The following NAALADL2 variants were observed in gnomAD, a reference collection of about 807,000 sequenced individuals.
The protein encoded by NAALADL2 is inactive N-acetylated-alpha-linked acidic dipeptidase-like protein 2.
NAALADL2 carries 76 observed loss-of-function variants against 87.2 expected under a neutral mutation model. That is an observed-to-expected ratio of 0.87 (90% confidence interval 0.72 to 1.05). The LOEUF (loss-of-function observed/expected upper bound fraction) is 1.05, where lower values mean the gene tolerates loss of function less well. Ranked by LOEUF, NAALADL2 falls within the 50% of genes least tolerant of loss-of-function variation. The probability of loss-of-function intolerance (pLI) is 0.00; values close to 1 mark genes in which losing one functional copy is unlikely to be tolerated. For missense variants in NAALADL2, 1,089 were observed against 945.8 expected, an observed-to-expected ratio of 1.15 and a Z score of -1.99; for synonymous variants, 354 against 331.0, an observed-to-expected ratio of 1.07 and a Z score of -0.75.
At chr3:175,193,879 T>C (rs1580866579) in intron 2 of NAALADL2, among the ~76,000 whole-genome samples, 4 of 151,708 alleles carry the variant, frequency 2.6e-5, no homozygotes, top group African/African-American at 9.7e-5. Flanking sequence ...TGTGAAAACA[T>C]TAGTTGCTAT....
intron 9 of NAALADL2, among the ~76,000 whole-genome samples, chr3:175,552,932 GTTA>G (rs1481128292): frequency 6.6e-6 from 1 of 151,888 alleles, no homozygotes. Flanking sequence ...TGACAAATAG[GTTA>G]TTTTTATATA....
chr3:174,772,737 G>A (rs1035460019), intron 3 of NAALADL2, among the ~76,000 whole-genome samples: 4 of 152,132 alleles, frequency 2.6e-5, no homozygotes, highest in African/African-American at 4.8e-5. Context: ...AAATGATATA[G>A]TAGGTGAAAG....
intron 2 of NAALADL2, among the ~76,000 whole-genome samples, chr3:175,212,354 T>C (rs180895064): frequency 6.6e-6 from 1 of 152,144 alleles, no homozygotes; most frequent in Admixed American, 6.6e-5. Context: ...AAATGAGTTA[T>C]ATCCCATTAA....
chr3:175,319,586 G>T (rs983878725), intron 4 of NAALADL2, among the ~76,000 whole-genome samples: 49 of 152,124 alleles, frequency 3.2e-4, no homozygotes, highest in African/African-American at 1.1e-3. Context: ...TCGGGAGGCC[G>T]AGTCGGCAAT....
At chr3:174,802,918 T>C (rs556268002) in intron 3 of NAALADL2, among the ~76,000 whole-genome samples, 18 of 152,314 alleles carry the variant, frequency 1.2e-4, no homozygotes, top group Middle Eastern at 3.4e-3. Context: ...GTCTTTGCTC[T>C]TGTGAATAGT....
rs1750163839 is a variant in NAALADL2 at position 175,257,377 on chromosome 3, T to C, written c.939+847T>C. ...TAGAGAACATCCTATGTCTGTTTTT[T>C]TTTTATTATCTTCCAATAATACTCT... On this transcript the variant is annotated intron_variant, in intron 4 of 13. Transcript: ENST00000454872. Among the ~76,000 whole-genome samples the C allele has an allele frequency of 2.6e-5, 4 of 151,420 alleles. No homozygotes were observed. The South Asian group carries it at 8.3e-4, about 32-fold the overall frequency.
chr3:174,732,507 T>C (rs1050965279), intron 2 of NAALADL2, among the ~76,000 whole-genome samples: 2 of 152,102 alleles, frequency 1.3e-5, no homozygotes, highest in Non-Finnish European at 2.9e-5. Context: ...TATTGTGATA[T>C]TCTATATATT....
At chr3:175,115,709 A>G (rs1359126711) in intron 2 of NAALADL2, among the ~76,000 whole-genome samples, 1 of 151,658 alleles carries the variant, frequency 6.6e-6, no homozygotes, top group African/African-American at 2.4e-5. Context: ...CTTGGATAGG[A>G]TATTTCCTTA....
At chr3:174,830,538 A>T (rs1450947343) in intron 3 of NAALADL2, among the ~76,000 whole-genome samples, 1 of 150,976 alleles carries the variant, frequency 6.6e-6, no homozygotes, top group Non-Finnish European at 1.5e-5. Flanking sequence ...GTTTGAAGTC[A>T]GGTAGTGTGA....
chr3:175,268,265 T>G (rs62285944), intron 4 of NAALADL2, among the ~76,000 whole-genome samples: 31,052 of 152,116 alleles, frequency 0.2, 3,230 homozygotes, highest in African/African-American at 0.25. Context: ...GCAATTATAA[T>G]GTAGTAGTAA....
intron 5 of NAALADL2, among the ~76,000 whole-genome samples, chr3:175,442,029 C>T (rs932664820): frequency 2.0e-5 from 3 of 152,092 alleles, no homozygotes; most frequent in African/African-American, 7.2e-5. Flanking sequence ...GCAACTTCCG[C>T]CTCCCAGATT....
At chr3:175,116,042 T>C (rs923306919) in intron 2 of NAALADL2, among the ~76,000 whole-genome samples, 19 of 151,814 alleles carry the variant, frequency 1.3e-4, no homozygotes, top group Non-Finnish European at 8.8e-5. Flanking sequence ...ACAGCCTTCA[T>C]GCAAAAAACT....
At chr3:174,816,362 G>T (rs2109313366) in intron 3 of NAALADL2, among the ~76,000 whole-genome samples, 1 of 150,522 alleles carries the variant, frequency 6.6e-6, no homozygotes, top group East Asian at 2.0e-4. Context: ...GCTGTCTTGG[G>T]AGCCCTGGAA....
chr3:175,140,538 T>C (rs191189119), intron 2 of NAALADL2, among the ~76,000 whole-genome samples: 1 of 152,094 alleles, frequency 6.6e-6, no homozygotes, highest in Non-Finnish European at 1.5e-5. Context: ...AAAACAATAA[T>C]TTGGGATTAA....
At chr3:175,034,007 G>T (rs1448388152) in intron 1 of NAALADL2, among the ~76,000 whole-genome samples, 2 of 152,128 alleles carry the variant, frequency 1.3e-5, no homozygotes, top group Non-Finnish European at 2.9e-5. Context: ...TCTTCTTGTA[G>T]TCTTCTCCGT....
chr3:174,939,419 A>G (rs1738231541), intron 1 of NAALADL2, among the ~76,000 whole-genome samples: 1 of 152,056 alleles, frequency 6.6e-6, no homozygotes, highest in Admixed American at 6.6e-5. Context: ...GCCCTGAAGT[A>G]TAGTTTGAAG....
At chr3:174,718,039 G>A (rs550151740) in intron 2 of NAALADL2, among the ~76,000 whole-genome samples, 73 of 152,278 alleles carry the variant, frequency 4.8e-4, no homozygotes, top group South Asian at 1.0e-3. Flanking sequence ...TGAAGCAGAA[G>A]AATCGCTTGA....
intron 4 of NAALADL2, among the ~76,000 whole-genome samples, chr3:175,323,824 T>A (rs1047287122): frequency 2.7e-5 from 4 of 150,780 alleles, no homozygotes; most frequent in East Asian, 3.9e-4. Context: ...GAGACCATCC[T>A]GGCTGACACG....
chr3:175,446,912 C>A (rs1344823592), intron 5 of NAALADL2, among the ~76,000 whole-genome samples: 1 of 152,128 alleles, frequency 6.6e-6, no homozygotes, highest in Non-Finnish European at 1.5e-5. Context: ...ACTATCTATT[C>A]TCCTGGCCCC....
Sources: gnomAD v4.1 joint callset for allele counts (sites outside exome capture counted in the v4.1 genomes callset) on GRCh38, gnomAD v4.1.1 for gene constraint, MANE v1.5 for transcripts, NCBI Gene and HGNC (gene_info 2026-07-23, HGNC 2026-07-21) for gene names.